The following LIPC variants were observed in gnomAD, a reference collection of about 807,000 sequenced individuals.
LIPC encodes lipase C, hepatic type, also known as hepatic triacylglycerol lipase.
A neutral mutation model predicts 50.7 loss-of-function variants in LIPC; 44 were observed. The ratio of observed to expected loss-of-function variants is 0.87; its 90% CI spans 0.68 to 1.11. LIPC has a LOEUF of 1.11. LIPC is among the 50% of genes most tolerant of loss of function. The probability of loss-of-function intolerance (pLI) is 0.00; values close to 1 mark genes in which losing one functional copy is unlikely to be tolerated. For synonymous variants in LIPC, 271 were observed against 256.4 expected, an observed-to-expected ratio of 1.06 and a Z score of -0.54; for missense variants, 697 against 648.2, an observed-to-expected ratio of 1.08 and a Z score of -0.82.
intron 1 of LIPC, among the ~76,000 whole-genome samples, chr15:58,508,693 A>G (rs1595907539): frequency 6.7e-6 from 1 of 150,068 alleles, no homozygotes; most frequent in East Asian, 2.0e-4. Flanking sequence ...TACGACTGAC[A>G]TAGTCCCCAA....
At chr15:58,481,169 A>C (rs1891173970) in intron 1 of LIPC, among the ~76,000 whole-genome samples, 4 of 152,216 alleles carry the variant, frequency 2.6e-5, no homozygotes, top group African/African-American at 9.7e-5. Context: ...CATTTCGCTA[A>C]ATATCTTCCC....
chr15:58,474,527 A>C (rs1204552312), intron 1 of LIPC, among the ~76,000 whole-genome samples: 1 of 151,942 alleles, frequency 6.6e-6, no homozygotes, highest in Non-Finnish European at 1.5e-5. Context: ...AAAAAAAAAA[A>C]AAAAAGAGGC....
chr15:58,467,232 C>T (rs747940280), intron 1 of LIPC, among the ~76,000 whole-genome samples: 1 of 152,170 alleles, frequency 6.6e-6, no homozygotes, highest in Non-Finnish European at 1.5e-5. Flanking sequence ...CTTCCGTGAT[C>T]ACCTGACCCA....
chr15:58,555,617 C>G (rs1054868680), intron 6 of LIPC, among the ~76,000 whole-genome samples: 5 of 152,194 alleles, frequency 3.3e-5, no homozygotes, highest in African/African-American at 4.8e-5. Flanking sequence ...CTGTGTCGGT[C>G]TAGGTCTCAG....
chr15:58,496,575 C>A (rs1158446840), intron 1 of LIPC, among the ~76,000 whole-genome samples: 6 of 152,032 alleles, frequency 3.9e-5, no homozygotes, highest in Non-Finnish European at 8.8e-5. Context: ...TAAATCAAGA[C>A]CTCTGTTCAT....
At chr15:58,521,090 T>C (rs1219444301) in intron 1 of LIPC, among the ~76,000 whole-genome samples, 1 of 152,040 alleles carries the variant, frequency 6.6e-6, no homozygotes, top group Non-Finnish European at 1.5e-5. Context: ...CAGGAGTTGC[T>C]GTGTTGCTGG....
chr15:58,568,732 G>A lies in LIPC; in HGVS notation c.1405G>A (p.Glu469Lys). ...TCTATTCAGAATGACATTTTGTTCAGAAAACACAGATGACCTACTACTTCG... is the reference window on the plus strand; with the variant it reads ...TCTATTCAGAATGACATTTTGTTCAAAAAACACAGATGACCTACTACTTCG... The part of the protein sequence containing the change: ...ETQQRMTFCS[E>K]NTDDLLLRPT... The change falls in exon 9 of 9, where the codon GAA (glutamate) becomes AAA (lysine). Residue 469 changes from glutamate to lysine, a missense_variant. Glu to Lys is a moderately conservative substitution (Grantham distance 56). Transcript: ENST00000299022. 6.2e-7 allele frequency: 1 copy of A among 1,605,228 alleles called. No homozygotes were observed. The highest frequency in any genetic ancestry group is 8.5e-7 in the Non-Finnish European group (1 of 1,172,446).
At position 58,485,525 on chromosome 15, in the gene LIPC, G is replaced by A. The variant is rs533108969; in HGVS notation, c.89-52808G>A. ...CCAGACCCTCGCACGTGCTGATCTC[G>A]GGCTAAGGGCTGTTTCCTTCCTTCG... On this transcript the variant is annotated intron_variant, in intron 1 of 8. Transcript: ENST00000299022. 3.0e-5 allele frequency among the ~76,000 whole-genome samples: 4 copies of A among 134,348 alleles called. No individual in the cohort carries two copies. In the East Asian group the frequency reaches 7.0e-4, roughly 23 times the overall value. 88.1% of individuals were successfully genotyped at this position (134,348 alleles called of 152,430 possible).
At chr15:58,452,203 G>A (rs1222929169) in intron 1 of LIPC, among the ~76,000 whole-genome samples, 3 of 152,154 alleles carry the variant, frequency 2.0e-5, no homozygotes, top group African/African-American at 4.8e-5. Context: ...GAACTTGTTT[G>A]AAAGACAAAT....
intron 1 of LIPC, among the ~76,000 whole-genome samples, chr15:58,449,131 G>A (rs1247433254): frequency 1.3e-5 from 2 of 152,198 alleles, no homozygotes; most frequent in African/African-American, 2.4e-5. Flanking sequence ...GAGGCTCCAA[G>A]GGCCCTTTGT....
At chr15:58,544,928 A>G (rs1893470082) in intron 4 of LIPC, among the ~76,000 whole-genome samples, 1 of 152,188 alleles carries the variant, frequency 6.6e-6, no homozygotes. Context: ...ATGCACAGAC[A>G]TCTGTCACTT....
At chr15:58,553,918 A>T (rs1358873824) in intron 6 of LIPC, among the ~76,000 whole-genome samples, 2 of 152,052 alleles carry the variant, frequency 1.3e-5, no homozygotes, top group Admixed American at 6.6e-5. Context: ...CGGGTCTAGG[A>T]ACAAGCCCTC....
chr15:58,542,814 C>T (rs1279147338), intron 4 of LIPC, among the ~76,000 whole-genome samples, 163 bp downstream of exon 4: 1 of 152,222 alleles, frequency 6.6e-6, no homozygotes, highest in African/African-American at 2.4e-5. Flanking sequence ...TGACCAATGT[C>T]ATGGATTGCT....
At chr15:58,458,606 G>A (rs560045302) in intron 1 of LIPC, among the ~76,000 whole-genome samples, 1 of 152,138 alleles carries the variant, frequency 6.6e-6, no homozygotes, top group East Asian at 1.9e-4. Flanking sequence ...CCGTTATCTT[G>A]GGTGCTTTCA....
chr15:58,545,781 C>A lies in LIPC; in HGVS notation c.614C>A (p.Pro205His). 1 of 1,614,214 alleles carries A rather than the reference C, an allele frequency of 6.2e-7. No individual in the cohort carries two copies. Among genetic ancestry groups the A allele is most frequent in the African/African-American group, 1.3e-5 (1 of 75,050 alleles). ...AAGPLFEGSAPSNRLSPDDAN... is the reference protein window; with the variant it reads ...AAGPLFEGSAHSNRLSPDDAN... The stretch of plus-strand genomic sequence containing the variant: ...GGACCTTTGTTTGAGGGAAGTGCCC[C>A]CAGCAATCGTCTTTCTCCAGATGAT... The change falls in exon 5 of 9, where the codon CCC (proline) becomes CAC (histidine). Residue 205 changes from proline to histidine, a missense_variant. Physicochemically the swap from Pro to His is moderately conservative, Grantham distance 77. Coordinates refer to ENST00000299022, the MANE Select transcript of LIPC (RefSeq NM_000236.3).
At chr15:58,559,849 G>A (rs75698200) in intron 6 of LIPC, among the ~76,000 whole-genome samples, 110 of 152,308 alleles carry the variant, frequency 7.2e-4, no homozygotes, top group African/African-American at 2.6e-3. Flanking sequence ...AGCCATTTTG[G>A]AATGAGGTAG....
chr15:58,446,651 G>A (rs1260154361), intron 1 of LIPC, among the ~76,000 whole-genome samples: 1 of 151,994 alleles, frequency 6.6e-6, no homozygotes, highest in Non-Finnish European at 1.5e-5. Flanking sequence ...CTCTCCCATG[G>A]CGCTGGCTCC....
In LIPC at chr15:58,554,492, T is replaced by A. The variant is rs1566949799; in HGVS notation, c.1051+5920T>A. Among the ~76,000 whole-genome samples, 5 of 152,168 alleles carry A rather than the reference T, an allele frequency of 3.3e-5. No individual in the cohort carries two copies. The East Asian group carries it at 9.6e-4, about 29-fold the overall frequency. On this transcript the variant is annotated intron_variant, in intron 6 of 8. Transcript: ENST00000299022. ...ACACTTTTTTCCTTAATCTTTGTAA[T>A]AGCATCATTGTGCTGGGGGTGGCAG...
chr15:58,510,157 T>C (rs375169742), intron 1 of LIPC, among the ~76,000 whole-genome samples: 2 of 152,308 alleles, frequency 1.3e-5, no homozygotes, highest in Middle Eastern at 3.4e-3. Flanking sequence ...GAAGACACAA[T>C]AGACAAGGAC....
Sources: allele counts gnomAD v4.1 joint callset (sites outside exome capture counted in the v4.1 genomes callset), GRCh38; gene constraint gnomAD v4.1.1; transcripts MANE v1.5; gene names NCBI Gene and HGNC (gene_info 2026-07-23, HGNC 2026-07-21).